The following AQR variants were observed in gnomAD, a reference collection of about 807,000 sequenced individuals.
AQR encodes aquarius intron-binding spliceosomal factor.
AQR carries 61 observed loss-of-function variants against 180.5 expected under a neutral mutation model. The ratio of observed to expected loss-of-function variants is 0.34; its 90% CI spans 0.28 to 0.42. AQR has a LOEUF of 0.42. AQR is among the 10% of genes least tolerant of loss of function. AQR has a pLI of 1.00. For missense variants in AQR, 1,281 were observed against 1,798.3 expected (o/e 0.71, Z 5.20); for synonymous variants, 551 against 588.8 (o/e 0.94, Z 0.93).
At chr15:34,927,207 G>A in intron 12 of AQR, 69 bp from the exon 13 acceptor site, 1 of 865,928 alleles carries the variant, frequency 1.2e-6, no homozygotes, top group South Asian at 2.7e-5. Flanking sequence ...TACTATTTAA[G>A]AATGAAAATA....
Position 34,915,097 on chromosome 15 carries a change from T to C in AQR, c.1425A>G (p.Leu475=). Residue 475 remains leucine, a synonymous_variant, in exon 16 of 35, where the codon TTA becomes TTG. Transcript: ENST00000156471. ...YLLRNFNLFR[L]ESTYEIRQDI... Reference sequence around the variant, plus strand: ...CCTGACGAATTTCATAAGTTGATTCTAAGCGGAAGAGGTTAAAGTTCCTTA... The same window carrying C: ...CCTGACGAATTTCATAAGTTGATTCCAAGCGGAAGAGGTTAAAGTTCCTTA... 6.2e-7 allele frequency: 1 copy of C among 1,613,204 alleles called. No individual in the cohort carries two copies. Among genetic ancestry groups the C allele is most frequent in the Non-Finnish European group, 8.5e-7 (1 of 1,179,828 alleles).
chr15:34,891,511 T>C (rs899462386), intron 23 of AQR, among the ~76,000 whole-genome samples: 37 of 152,158 alleles, frequency 2.4e-4, no homozygotes, highest in African/African-American at 8.9e-4. Context: ...GATTTGAATT[T>C]CAAAAAACCA....
At chr15:34,908,637 T>C (rs966189280) in intron 17 of AQR, among the ~76,000 whole-genome samples, 28 of 152,290 alleles carry the variant, frequency 1.8e-4, no homozygotes, top group African/African-American at 6.7e-4. Context: ...AAATGTACCC[T>C]GTCCAGTTCT....
chr15:34,873,004 T>A (rs1372724536), intron 30 of AQR, among the ~76,000 whole-genome samples: 1 of 152,132 alleles, frequency 6.6e-6, no homozygotes, highest in Non-Finnish European at 1.5e-5. Context: ...ACTGTAGATA[T>A]ACTTTGCAAC....
At chr15:34,884,787 G>T in intron 25 of AQR, 53 bp from the exon 26 acceptor site, 1 of 1,331,724 alleles carries the variant, frequency 7.5e-7, no homozygotes. Flanking sequence ...ATGTTTTAAA[G>T]CATAAAATGA....
In AQR at chr15:34,915,072, C is replaced by T; in HGVS notation, c.1450G>A (p.Asp484Asn). The T allele has an allele frequency of 1.2e-6, 2 of 1,612,642 alleles. No individual in the cohort carries two copies. The highest frequency in any genetic ancestry group is 1.7e-6 in the Non-Finnish European group (2 of 1,179,662). ...RLESTYEIRQDIEDSVSRMKP... is the reference protein window; with the variant it reads ...RLESTYEIRQNIEDSVSRMKP... ...ATTCTGCTGACACTATCTTCAATGT[C>T]CTGACGAATTTCATAAGTTGATTCT... is the stretch of plus-strand genomic sequence containing the variant. The change falls in exon 16 of 35, where the codon GAC becomes AAC. Residue 484 changes from aspartate (D) to asparagine (N), a missense_variant. Physicochemically the swap from Asp to Asn is conservative, Grantham distance 23. Around this residue, in one of 9 missense-constraint regions of AQR, gnomAD observed 200 missense variants for 293.4 expected, o/e 0.68. Coordinates refer to ENST00000156471, the MANE Select transcript of AQR (RefSeq NM_014691.3).
chr15:34,858,241 C>T (rs1387128112), intron 34 of AQR, among the ~76,000 whole-genome samples: 2 of 150,758 alleles, frequency 1.3e-5, no homozygotes, highest in African/African-American at 4.9e-5. Context: ...ACCTCAGCCT[C>T]CCAAAGTGCT....
At chr15:34,964,561 G>T in intron 1 of AQR, 1 of 504,308 alleles carries the variant, frequency 2.0e-6, no homozygotes, top group Non-Finnish European at 3.7e-6. Context: ...AAACAATACA[G>T]CTCAGTTAAT....
At position 34,853,247 on chromosome 15, in the gene AQR, T is replaced by TG. The variant is rs897366480; in HGVS notation, c.*3544_*3545insC. ...GCTTATGCAAAAGGGTCACTGTTTTTTTTTTTTTTTTAACTTTATCTTGTT... is the reference window on the plus strand; with the variant it reads ...GCTTATGCAAAAGGGTCACTGTTTTTGTTTTTTTTTTTAACTTTATCTTGTT... On this transcript the variant is annotated 3_prime_UTR_variant, in exon 35 of 35. Transcript: ENST00000156471. 1.3e-5 allele frequency: 2 copies of TG among 152,050 alleles called. No homozygotes were observed. The highest frequency in any genetic ancestry group is 6.6e-5 in the Admixed American group (1 of 15,266). 9.4% of individuals were successfully genotyped at this position (152,050 alleles called of 1,614,324 possible).
chr15:34,936,136 T>C (rs537912187), intron 9 of AQR, among the ~76,000 whole-genome samples: 1 of 152,332 alleles, frequency 6.6e-6, no homozygotes, highest in South Asian at 2.1e-4. Flanking sequence ...TTATCATTTG[T>C]CTCAGCTATA....
At chr15:34,903,729 G>A (rs11858044) in intron 19 of AQR, among the ~76,000 whole-genome samples, 116,687 of 152,020 alleles carry the variant, frequency 0.77, 45,419 homozygotes, top group Middle Eastern at 0.87. Flanking sequence ...AAAGCTACAT[G>A]TATCAAATGC....
At chr15:34,934,970 A>G (rs972831685) in intron 9 of AQR, among the ~76,000 whole-genome samples, 3 of 152,172 alleles carry the variant, frequency 2.0e-5, no homozygotes, top group Non-Finnish European at 4.4e-5. Flanking sequence ...TATAAAAACT[A>G]GAAGGCAGTT....
At chr15:34,960,163 G>A (rs2050266051) in intron 3 of AQR, among the ~76,000 whole-genome samples, 1 of 152,116 alleles carries the variant, frequency 6.6e-6, no homozygotes, top group South Asian at 2.1e-4. Flanking sequence ...TATACAAAAA[G>A]ATGCCTAAGA....
intron 16 of AQR, among the ~76,000 whole-genome samples, chr15:34,911,874 T>C (rs955574981): frequency 3.3e-5 from 5 of 150,296 alleles, no homozygotes; most frequent in African/African-American, 4.9e-5. Flanking sequence ...AGACAAATGT[T>C]ATGGAGCTTT....
At chr15:34,893,547 G>A (rs180953396) in intron 23 of AQR, 116 bp downstream of exon 23, 2 of 803,152 alleles carry the variant, frequency 2.5e-6, no homozygotes, top group Non-Finnish European at 4.0e-6. Context: ...AACTTATTGT[G>A]TCCCACACTT....
At position 34,896,933 on chromosome 15, in the gene AQR, TTCTA is replaced by T; in HGVS notation, c.2420_2423del (p.Ile807LysfsTer11). The T allele has an allele frequency of 6.2e-7, 1 of 1,613,576 alleles. No homozygotes were observed. The highest frequency in any genetic ancestry group is 8.5e-7 in the Non-Finnish European group (1 of 1,179,458). On this transcript the variant is annotated frameshift_variant, in exon 22 of 35. Coordinates refer to ENST00000156471, the MANE Select transcript of AQR (RefSeq NM_014691.3). LOFTEE classifies it high-confidence loss of function. The stretch of plus-strand genomic sequence containing the variant: ...CAGGCTGCATTCCAGCACGGATGGC[TTCTA>T]TCTGTGTATGAGTGAACTGAATCGT...
chr15:34,901,554 G>A (rs897579285), intron 19 of AQR, among the ~76,000 whole-genome samples: 6 of 152,162 alleles, frequency 3.9e-5, no homozygotes, highest in Non-Finnish European at 7.4e-5. Context: ...TCAACAAAGT[G>A]AGCTATCTCA....
chr15:34,938,837 C>T (rs1358255668), intron 8 of AQR, 24 bp from the exon 9 acceptor site: 1 of 1,525,684 alleles, frequency 6.6e-7, no homozygotes, highest in Non-Finnish European at 9.0e-7. Context: ...GAACATTGAC[C>T]AATTATTTTT....
In AQR at chr15:34,899,124, G is replaced by A. The variant is rs1007892301; in HGVS notation, c.2244-1419C>T. ...GTCGGAGCTTGCAGTGAGCAGAGAC[G>A]GCGCGCCACTGCACTCCAGCCTGGG... On this transcript the variant is annotated intron_variant, in intron 20 of 34. Transcript: ENST00000156471. Among the ~76,000 whole-genome samples the A allele has an allele frequency of 2.0e-5, 3 of 150,692 alleles. No homozygotes were observed. The East Asian group carries it at 5.9e-4, about 30-fold the overall frequency.
Sources: allele counts gnomAD v4.1 joint callset (sites outside exome capture counted in the v4.1 genomes callset), GRCh38; gene constraint gnomAD v4.1.1; regional missense constraint gnomAD v4.1.1; transcripts MANE v1.5; gene names NCBI Gene and HGNC (gene_info 2026-07-23, HGNC 2026-07-21).